Variants in ELK3 observed in about 807,000 individuals in gnomAD.
ELK3 encodes the protein ETS domain-containing protein Elk-3.
Under a neutral mutation model 28.9 loss-of-function variants are expected in ELK3, and 10 were observed. The ratio of observed to expected loss-of-function variants is 0.35; its 90% CI spans 0.21 to 0.59. The LOEUF (loss-of-function observed/expected upper bound fraction) is 0.59. ELK3 is among the 20% of genes least tolerant of loss of function. The pLI, the probability that ELK3 is intolerant of heterozygous loss-of-function variation, is 0.82. For missense variants in ELK3, 463 were observed against 517.3 expected (o/e 0.90, Z 1.02); for synonymous variants, 272 against 243.5 (o/e 1.12, Z -1.09).
At chr12:96,254,142 T>C (rs984333135) in intron 3 of ELK3, among the ~76,000 whole-genome samples, 11 of 152,302 alleles carry the variant, frequency 7.2e-5, no homozygotes, top group African/African-American at 2.4e-4. Flanking sequence ...CTGGCCAACA[T>C]GGCCAAACCC....
chr12:96,264,982 G>A, intron 4 of ELK3, among the ~76,000 whole-genome samples: 1 of 152,144 alleles, frequency 6.6e-6, no homozygotes. Flanking sequence ...GTGGAGCCCT[G>A]ACTCAAGTTT....
At chr12:96,250,605 G>A (rs753663634) in intron 3 of ELK3, among the ~76,000 whole-genome samples, 8 of 152,160 alleles carry the variant, frequency 5.3e-5, no homozygotes, top group Non-Finnish European at 7.3e-5. Context: ...AATTCCTTTC[G>A]GCCTCAGGAG....
chr12:96,226,594 G>GCA (rs1230899350), intron 2 of ELK3, among the ~76,000 whole-genome samples: 1 of 149,580 alleles, frequency 6.7e-6, no homozygotes, highest in Non-Finnish European at 1.5e-5. Flanking sequence ...ATGTCCACAT[G>GCA]CACACACACA....
intron 2 of ELK3, among the ~76,000 whole-genome samples, chr12:96,225,308 C>T (rs748978233): frequency 3.8e-4 from 58 of 152,244 alleles, no homozygotes; most frequent in Non-Finnish European, 4.8e-4. Context: ...CTTGACTCAT[C>T]TCTTCCCTGG....
At chr12:96,202,512 C>T (rs1453623408) in intron 1 of ELK3, among the ~76,000 whole-genome samples, 1 of 141,906 alleles carries the variant, frequency 7.0e-6, no homozygotes, top group South Asian at 2.3e-4. Context: ...CTTCAGAGCC[C>T]TTACCACAAG....
intron 2 of ELK3, among the ~76,000 whole-genome samples, chr12:96,242,058 G>A (rs573558762): frequency 1.2e-4 from 19 of 152,328 alleles, no homozygotes; most frequent in Middle Eastern, 3.4e-3. Context: ...AGCTCCACCC[G>A]ACACAGACCA....
chr12:96,198,044 T>C (rs1363635869), intron 1 of ELK3: 1 of 152,200 alleles, frequency 6.6e-6, no homozygotes, highest in Non-Finnish European at 1.5e-5. Context: ...TATGGTGCTG[T>C]GAAATGTTGC....
intron 1 of ELK3, among the ~76,000 whole-genome samples, chr12:96,205,172 CA>C (rs771680011): frequency 6.6e-6 from 1 of 152,194 alleles, no homozygotes; most frequent in Admixed American, 6.5e-5. Flanking sequence ...CATTGTTTCA[CA>C]ACGAGAAGTC....
chr12:96,227,988 A>G (rs1306321400), intron 2 of ELK3, among the ~76,000 whole-genome samples: 1 of 152,190 alleles, frequency 6.6e-6, no homozygotes, highest in East Asian at 1.9e-4. Context: ...CTCTATCACT[A>G]ATTTGAACAT....
At chr12:96,243,000 A>C (rs1229158968) in intron 2 of ELK3, among the ~76,000 whole-genome samples, 1 of 152,158 alleles carries the variant, frequency 6.6e-6, no homozygotes, top group African/African-American at 2.4e-5. Context: ...CTCCCCCAGC[A>C]GAGGCAGCAG....
intron 2 of ELK3, among the ~76,000 whole-genome samples, chr12:96,241,710 C>T (rs1951822746): frequency 6.6e-6 from 1 of 152,206 alleles, no homozygotes; most frequent in Non-Finnish European, 1.5e-5. Flanking sequence ...ACAGGTCTGC[C>T]CGGAATCCTG....
intron 2 of ELK3, among the ~76,000 whole-genome samples, chr12:96,234,337 C>A (rs1400055765): frequency 1.3e-5 from 2 of 152,190 alleles, no homozygotes; most frequent in Admixed American, 1.3e-4. Context: ...GCGGCCTTGC[C>A]AGATCCACTT....
At position 96,267,711 on chromosome 12, in the gene ELK3, G is replaced by A. The variant is rs886547085; in HGVS notation, c.*531G>A. 6.6e-6 allele frequency: 1 copy of A among 152,526 alleles called. No individual in the cohort carries two copies. Among genetic ancestry groups the A allele is most frequent in the African/African-American group, 2.4e-5 (1 of 41,408 alleles). The allele number at this position is 152,526 out of a possible 1,614,324, so 9.4% of individuals were successfully genotyped here. A position where few individuals can be genotyped will look rare whatever the true frequency, so the allele number is the denominator to read the frequency against. On this transcript the variant is annotated 3_prime_UTR_variant, in exon 5 of 5. Transcript: ENST00000228741. ...TGGGCAATATGAAAGCATATATCAC[G>A]TTTTGTTTTACTTTCAATTGTATAA...
chr12:96,260,164 G>T (rs1000517689), intron 4 of ELK3, among the ~76,000 whole-genome samples: 1 of 151,998 alleles, frequency 6.6e-6, no homozygotes, highest in Admixed American at 6.6e-5. Flanking sequence ...TATTCTTTAG[G>T]CCAGTGTGAT....
At chr12:96,227,802 C>T (rs1951714480) in intron 2 of ELK3, among the ~76,000 whole-genome samples, 1 of 152,204 alleles carries the variant, frequency 6.6e-6, no homozygotes. Flanking sequence ...GCCGTGTTGC[C>T]TAATCTCTCT....
chr12:96,201,509 A>G (rs1951507552), intron 1 of ELK3, among the ~76,000 whole-genome samples: 1 of 142,096 alleles, frequency 7.0e-6, no homozygotes, highest in Non-Finnish European at 1.5e-5. Flanking sequence ...GCTACCCGGG[A>G]GGTCAAGGCT....
At chr12:96,265,848 T>TA (rs1242679868) in intron 4 of ELK3, among the ~76,000 whole-genome samples, 1 of 152,190 alleles carries the variant, frequency 6.6e-6, no homozygotes, top group Non-Finnish European at 1.5e-5. Flanking sequence ...TAGAAAAAGT[T>TA]AAAATTCTAA....
chr12:96,267,481 T>TAACTA lies in ELK3; in HGVS notation c.*303_*307dup. On this transcript the variant is annotated 3_prime_UTR_variant, in exon 5 of 5. Coordinates refer to ENST00000228741, the MANE Select transcript of ELK3 (RefSeq NM_005230.4). ...GAACTTTTCTTAATGGTTTTCAGTA[T>TAACTA]AACTAATAAGGATGTGAAGCTTTTT... is the stretch of plus-strand genomic sequence containing the variant. The TAACTA allele has an allele frequency of 4.1e-6, 1 of 242,092 alleles. No homozygotes were observed. The highest frequency in any genetic ancestry group is 5.9e-5 in the South Asian group (1 of 17,040). The allele number at this position is 242,092 out of a possible 1,614,324, so 15.0% of individuals were successfully genotyped here.
intron 1 of ELK3, among the ~76,000 whole-genome samples, chr12:96,204,773 G>C (rs1951529398): frequency 6.6e-6 from 1 of 152,200 alleles, no homozygotes; most frequent in African/African-American, 2.4e-5. Flanking sequence ...GCCAGAAAAG[G>C]AGGTGTAAAT....
Sources: allele counts gnomAD v4.1 joint callset (sites outside exome capture counted in the v4.1 genomes callset), GRCh38; gene constraint gnomAD v4.1.1; transcripts MANE v1.5; gene names NCBI Gene and HGNC (gene_info 2026-07-23, HGNC 2026-07-21).